The following ROCK2 variants were observed in gnomAD, a reference collection of about 807,000 sequenced individuals.
ROCK2 encodes the protein Rho associated coiled-coil containing protein kinase 2.
In ROCK2, 61 loss-of-function variants were observed where a neutral mutation model predicts 195.1. That is an observed-to-expected ratio of 0.31 (90% CI 0.25 to 0.39). ROCK2 has a LOEUF of 0.39. ROCK2 is among the 10% of genes least tolerant of loss of function. The pLI is 1.00. For missense variants in ROCK2, 1,109 were observed against 1,637.4 expected, an observed-to-expected ratio of 0.68 and a Z score of 5.57; for synonymous variants, 504 against 545.5, an observed-to-expected ratio of 0.92 and a Z score of 1.06.
intron 1 of ROCK2, among the ~76,000 whole-genome samples, chr2:11,312,561 A>T (rs1186485378): frequency 6.6e-6 from 1 of 152,124 alleles, no homozygotes; most frequent in Non-Finnish European, 1.5e-5. Flanking sequence ...TCTTTATTGG[A>T]CTGGTTCTTT....
chr2:11,301,768 A>T (rs2148217265), intron 1 of ROCK2, among the ~76,000 whole-genome samples: 1 of 114,444 alleles, frequency 8.7e-6, no homozygotes. Flanking sequence ...ACAAGAGTGA[A>T]ACGCCGCCTC....
intron 1 of ROCK2, among the ~76,000 whole-genome samples, chr2:11,305,488 T>C (rs866539979): frequency 4.0e-5 from 6 of 150,758 alleles, no homozygotes; most frequent in Middle Eastern, 3.4e-3. Flanking sequence ...CTTACGTGCA[T>C]GCACATGCTT....
At chr2:11,189,988 C>T (rs1663353949) in intron 32 of ROCK2, among the ~76,000 whole-genome samples, 1 of 151,900 alleles carries the variant, frequency 6.6e-6, no homozygotes, top group Admixed American at 6.6e-5. Flanking sequence ...GAGTGAGACC[C>T]TGTCTCAATA....
intron 3 of ROCK2, among the ~76,000 whole-genome samples, chr2:11,253,050 A>AT (rs984965179): frequency 6.6e-6 from 1 of 151,812 alleles, no homozygotes; most frequent in Non-Finnish European, 1.5e-5. Flanking sequence ...AATTAGGATG[A>AT]TTTTACCAAA....
intron 32 of ROCK2, among the ~76,000 whole-genome samples, chr2:11,190,366 T>TAA (rs34098406): frequency 1.2e-3 from 65 of 53,100 alleles, no homozygotes; most frequent in African/African-American, 2.3e-3. Context: ...AGAAGTTTTT[T>TAA]AAAAAAAAAA....
chr2:11,205,915 C>T lies in ROCK2; in HGVS notation c.2549+1811G>A, dbSNP rs538818304. Among the ~76,000 whole-genome samples, 4 of 152,140 alleles carry T rather than the reference C, an allele frequency of 2.6e-5. No individual in the cohort carries two copies. In the East Asian group the frequency reaches 7.7e-4, roughly 29 times the overall value. Reference sequence around the variant, plus strand: ...CCTGAGGTCAGCAGTTCAAGACCACCCTGGCCAACATGGTGAAACCCTATC... The same window carrying T: ...CCTGAGGTCAGCAGTTCAAGACCACTCTGGCCAACATGGTGAAACCCTATC... On this transcript the variant is annotated intron_variant, in intron 20 of 32. Transcript: ENST00000315872.
intron 1 of ROCK2, among the ~76,000 whole-genome samples, chr2:11,310,628 T>C (rs1348777163): frequency 1.3e-5 from 2 of 152,154 alleles, no homozygotes; most frequent in African/African-American, 2.4e-5. Flanking sequence ...TTTTATATCC[T>C]GGCATGCTCA....
chr2:11,268,446 C>T (rs1020250983), intron 3 of ROCK2, among the ~76,000 whole-genome samples: 3 of 151,194 alleles, frequency 2.0e-5, no homozygotes, highest in African/African-American at 7.3e-5. Flanking sequence ...AAGGTCAGCC[C>T]TCCGGATGTA....
At position 11,201,335 on chromosome 2, in the gene ROCK2, T is replaced by C; in HGVS notation, c.2698A>G (p.Lys900Glu). ...KTKLGKELQQ[K>E]KQELQDERDS... ...CGTTCATCCTGTAATTCCTGTTTCT[T>C]CTGCTGCAATTCTTTACCAAGTTTG... Residue 900 changes from lysine to glutamate, a missense_variant, in exon 22 of 33, where the codon AAG (lysine) becomes GAG (glutamate). By Grantham distance (56) the Lys-to-Glu change is moderately conservative. Around this residue, in one of 6 missense-constraint regions of ROCK2, gnomAD observed 542 missense variants for 672.0 expected, o/e 0.81. Coordinates refer to ENST00000315872, the MANE Select transcript of ROCK2 (RefSeq NM_004850.5). This position sits in a 1 kb window ranked among gnomAD's most constrained non-coding sequence, Gnocchi z 4.6. The C allele has an allele frequency of 6.2e-7, 1 of 1,612,058 alleles. No homozygotes were observed. Among genetic ancestry groups the C allele is most frequent in the East Asian group, 2.2e-5 (1 of 44,850 alleles).
At chr2:11,278,987 G>T (rs1666915399) in intron 3 of ROCK2, among the ~76,000 whole-genome samples, 1 of 149,532 alleles carries the variant, frequency 6.7e-6, no homozygotes, top group Non-Finnish European at 1.5e-5. Context: ...TAAAAAAAAG[G>T]AAAAAAGTAG....
intron 1 of ROCK2, among the ~76,000 whole-genome samples, chr2:11,330,746 A>AGGAGGG (rs1668697134): frequency 9.0e-5 from 4 of 44,362 alleles, no homozygotes; most frequent in Non-Finnish European, 1.1e-4. Context: ...AGGAGGGAGG[A>AGGAGGG]GGGAGGAGGA....
intron 5 of ROCK2, among the ~76,000 whole-genome samples, chr2:11,233,224 A>T (rs1377611481): frequency 2.0e-5 from 3 of 152,180 alleles, no homozygotes; most frequent in Admixed American, 2.0e-4. Context: ...AATAACAACA[A>T]AAAAAGATTA....
intron 1 of ROCK2, among the ~76,000 whole-genome samples, chr2:11,342,510 T>G (rs1397645482): frequency 1.3e-5 from 2 of 152,238 alleles, no homozygotes; most frequent in Non-Finnish European, 2.9e-5. Flanking sequence ...AACGTTTCCA[T>G]CTAGGATTTA....
At chr2:11,318,418 G>C (rs1668294782) in intron 1 of ROCK2, among the ~76,000 whole-genome samples, 1 of 152,176 alleles carries the variant, frequency 6.6e-6, no homozygotes, top group Admixed American at 6.5e-5. Context: ...CTTCTTTTGA[G>C]AAGTGTCTGT....
At chr2:11,306,386 A>G (rs1254813766) in intron 1 of ROCK2, among the ~76,000 whole-genome samples, 2 of 152,166 alleles carry the variant, frequency 1.3e-5, no homozygotes, top group African/African-American at 2.4e-5. Flanking sequence ...TAAAAGTTCT[A>G]TATTTCGCAT....
chr2:11,282,607 C>A (rs376792837), intron 3 of ROCK2, among the ~76,000 whole-genome samples: 96 of 123,298 alleles, frequency 7.8e-4, no homozygotes, highest in South Asian at 1.7e-3. Context: ...TATCTACATG[C>A]AAAAAAAAAA....
intron 3 of ROCK2, among the ~76,000 whole-genome samples, chr2:11,286,060 T>C (rs1280896947): frequency 6.6e-6 from 1 of 150,596 alleles, no homozygotes; most frequent in Non-Finnish European, 1.5e-5. Flanking sequence ...AAAACAGGAA[T>C]ACGAGATTAG....
rs1669207301 is a variant in ROCK2, at chr2:11,344,209, C to T, written c.-73G>A. On this transcript the variant is annotated 5_prime_UTR_variant, in exon 1 of 33. Coordinates refer to ENST00000315872, the MANE Select transcript of ROCK2 (RefSeq NM_004850.5). The surrounding 1 kb of genome is among the most constrained non-coding windows in gnomAD (Gnocchi z 5.4). ...CAGCCTCGGGGCCTAGCACCGCCCC[C>T]GAACCACCAGCTCCGGCCGGGACTC... The T allele has an allele frequency of 2.2e-6, 3 of 1,339,420 alleles. No individual in the cohort carries two copies. Among genetic ancestry groups the T allele is most frequent in the Admixed American group, 8.2e-5 (2 of 24,244 alleles). The allele number at this position is 1,339,420 out of a possible 1,614,324, so 83.0% of individuals were successfully genotyped here. A position where few individuals can be genotyped will look rare whatever the true frequency, so the allele number is the denominator to read the frequency against.
chr2:11,269,752 G>C (rs1350063706), intron 3 of ROCK2, among the ~76,000 whole-genome samples: 2 of 152,008 alleles, frequency 1.3e-5, no homozygotes, highest in Non-Finnish European at 2.9e-5. Flanking sequence ...ATTTGTGTTT[G>C]TGTGCTTTTT....
Sources: gnomAD v4.1 joint callset for allele counts (sites outside exome capture counted in the v4.1 genomes callset) on GRCh38, gnomAD v4.1.1 for gene constraint, gnomAD v4.1.1 regional missense constraint, Gnocchi (gnomAD v3.1) non-coding constraint, MANE v1.5 for transcripts, NCBI Gene and HGNC (gene_info 2026-07-23, HGNC 2026-07-21) for gene names.